Variants in RHBDF1 observed in about 807,000 individuals in gnomAD.
RHBDF1 encodes rhomboid 5 homolog 1.
In RHBDF1, 80 loss-of-function variants were observed where a neutral mutation model predicts 98.6. The ratio of observed to expected loss-of-function variants is 0.81; its 90% confidence interval spans 0.68 to 0.98. The LOEUF is 0.98. Among genes scored for constraint, RHBDF1 ranks in the 50% least tolerant of loss-of-function variants. The pLI is 0.00. For missense variants in RHBDF1, 1,116 were observed against 1,198.3 expected (o/e 0.93, Z 1.01); for synonymous variants, 512 against 486.8 (o/e 1.05, Z -0.68).
chr16:62,613 T>C lies in RHBDF1; in HGVS notation c.878A>G (p.Glu293Gly). 1 of 1,613,914 alleles carries C rather than the reference T, an allele frequency of 6.2e-7. No individual in the cohort carries two copies. The highest frequency in any genetic ancestry group is 8.5e-7 in the Non-Finnish European group (1 of 1,180,038). ...SPSEAALKDWEKAPEQADLTG... is the reference protein window; with the variant it reads ...SPSEAALKDWGKAPEQADLTG... Reference sequence around the variant, plus strand: ...GAGGTCCGCCTGCTCCGGTGCCTTCTCCCAGTCCTTTAGCGCTGCCTCCGA... The same window carrying C: ...GAGGTCCGCCTGCTCCGGTGCCTTCCCCCAGTCCTTTAGCGCTGCCTCCGA... The change falls in exon 7 of 18, where the codon GAG becomes GGG. Residue 293 changes from glutamate to glycine, a missense_variant. By Grantham distance (98) the Glu-to-Gly change is moderately conservative. Transcript: ENST00000262316.
intron 1 of RHBDF1, among the ~76,000 whole-genome samples, chr16:67,130 A>G (rs540822180): frequency 2.6e-4 from 39 of 152,256 alleles, no homozygotes; most frequent in Admixed American, 2.5e-3. Context: ...AGGAGGGGCC[A>G]CCTCTGAGTC....
Position 59,445 on chromosome 16 carries a change from G to A in RHBDF1, c.1867C>T (p.His623Tyr). 1.2e-6 allele frequency: 2 copies of A among 1,613,858 alleles called. No homozygotes were observed. The highest frequency in any genetic ancestry group is 1.7e-6 in the Non-Finnish European group (2 of 1,179,996). ...TGAGAGCAGAGCGTGGCCTCCTCAT[G>A]GAAGTAGCCCCTCATGAAGTCACAG... ...EYCDFMRGYF[H>Y]EEATLCSQVH... The change falls in exon 15 of 18, where the codon CAT (histidine) becomes TAT (tyrosine). Residue 623 changes from histidine to tyrosine, a missense_variant. Transcript: ENST00000262316.
Position 58,969 on chromosome 16 carries a change from C to G in RHBDF1, c.2148+5G>C. On this transcript the variant is annotated splice_donor_5th_base_variant and intron_variant, in intron 17 of 17. Transcript: ENST00000262316. ...GAGGATCCCCACCCTGAGGGCCAGC[C>G]TTACCTCTGCTCGGTATGGCAGGAA... The G allele has an allele frequency of 6.2e-7, 1 of 1,612,984 alleles. No individual in the cohort carries two copies. Among genetic ancestry groups the G allele is most frequent in the Non-Finnish European group, 8.5e-7 (1 of 1,179,912 alleles).
rs1313883386 is a variant in RHBDF1, at chr16:60,234, T to C, written c.1704A>G (p.Glu568=). ...AGCTCACCGGCCACTTGGTGATGTCTTCTGGCCACTCATGAGGGTCTTCGG... is the reference window on the plus strand; with the variant it reads ...AGCTCACCGGCCACTTGGTGATGTCCTCTGGCCACTCATGAGGGTCTTCGG... ...PSSEDPHEWP[E]DITKWPICTK... is the part of the protein sequence containing the mutation. Residue 568 remains glutamate, a synonymous_variant, in exon 13 of 18, where the codon GAA becomes GAG. Transcript: ENST00000262316. 1 of 1,613,980 alleles carries C rather than the reference T, an allele frequency of 6.2e-7. No individual in the cohort carries two copies. Among genetic ancestry groups the C allele is most frequent in the Non-Finnish European group, 8.5e-7 (1 of 1,180,006 alleles).
At chr16:73,318 C>T, upstream of RHBDF1, among the ~76,000 whole-genome samples, 1 of 152,078 alleles carries the variant, frequency 6.6e-6, no homozygotes, top group East Asian at 1.9e-4. Flanking sequence ...CCCCCAGAAG[C>T]CCCGCTCCAC....
chr16:70,726 G>A (rs528940465), intron 1 of RHBDF1, among the ~76,000 whole-genome samples: 1 of 152,298 alleles, frequency 6.6e-6, no homozygotes, highest in South Asian at 2.1e-4. Context: ...CTTGGGCCAG[G>A]TCTGCCCAGG....
In RHBDF1 at chr16:63,757, T is replaced by A; in HGVS notation, c.292A>T (p.Thr98Ser). ...ATGCTCTTGCGCTGCCATTTCTGGG[T>A]GCTGTCACTGTCCTTGCTCACTCCA... is the stretch of plus-strand genomic sequence containing the variant. The part of the protein sequence containing the change: ...WFGVSKDSDS[T>S]QKWQRKSIRH... Residue 98 changes from threonine (T) to serine (S), a missense_variant, in exon 4 of 18, where the codon ACC (threonine) becomes TCC (serine). Coordinates refer to ENST00000262316, the MANE Select transcript of RHBDF1 (RefSeq NM_022450.5). 1 of 1,613,938 alleles carries A rather than the reference T, an allele frequency of 6.2e-7. No homozygotes were observed. Among genetic ancestry groups the A allele is most frequent in the Non-Finnish European group, 8.5e-7 (1 of 1,179,968 alleles).
Position 62,759 on chromosome 16 carries a change from C to T in RHBDF1, c.795+16G>A, listed in dbSNP as rs1366954998. 6.2e-7 allele frequency: 1 copy of T among 1,614,034 alleles called. No individual in the cohort carries two copies. The highest frequency in any genetic ancestry group is 1.7e-5 in the Admixed American group (1 of 60,028). The stretch of plus-strand genomic sequence containing the variant: ...AAGGGAACGTGGGGTGGGGGGACAC[C>T]CCGGGCACTTCTTACCCGGGCAAAG... On this transcript the variant is annotated intron_variant, in intron 6 of 17. Transcript: ENST00000262316.
At chr16:63,262 C>T in intron 4 of RHBDF1, 80 bp from the exon 5 acceptor site, 1 of 1,218,308 alleles carries the variant, frequency 8.2e-7, no homozygotes, top group Non-Finnish European at 1.1e-6. Flanking sequence ...CTTGCAAAGA[C>T]AGCGTGACTG....
intron 11 of RHBDF1, chr16:60,808 G>C: frequency 1.8e-6 from 1 of 565,260 alleles, no homozygotes; most frequent in Non-Finnish European, 3.1e-6. Context: ...ATGATGTGAT[G>C]AAAGTTGGGA....
chr16:68,179 C>T (rs1466747463), intron 1 of RHBDF1, among the ~76,000 whole-genome samples: 1 of 152,206 alleles, frequency 6.6e-6, no homozygotes, highest in African/African-American at 2.4e-5. Context: ...CACAAAAACC[C>T]CCACTGCTAG....
intron 1 of RHBDF1, among the ~76,000 whole-genome samples, chr16:72,112 G>A (rs774699495): frequency 1.4e-4 from 21 of 152,186 alleles, no homozygotes; most frequent in Non-Finnish European, 2.5e-4. Flanking sequence ...GAAGGAAAAT[G>A]CAGCGGGGGG....
chr16:60,299 G>C lies in RHBDF1; in HGVS notation c.1659-20C>G. The C allele has an allele frequency of 2.5e-6, 4 of 1,613,890 alleles. No individual in the cohort carries two copies. The highest frequency in any genetic ancestry group is 3.4e-6 in the Non-Finnish European group (4 of 1,179,952). ...CACACCCTGCATGAGCCAAGTATGT[G>C]GTCAGACCGGCTTCGAGCCCCTAGC... On this transcript the variant is annotated intron_variant, in intron 12 of 17. Transcript: ENST00000262316.
At position 59,344 on chromosome 16, in the gene RHBDF1, G is replaced by A. The variant is rs1473266301; in HGVS notation, c.1899C>T (p.His633=). The A allele has an allele frequency of 6.2e-7, 1 of 1,612,042 alleles. No individual in the cohort carries two copies. Among genetic ancestry groups the A allele is most frequent in the South Asian group, 1.1e-5 (1 of 90,842 alleles). Residue 633 remains histidine (H), a synonymous_variant, in exon 16 of 18, where the codon CAC becomes CAT. Coordinates refer to ENST00000262316, the MANE Select transcript of RHBDF1 (RefSeq NM_022450.5). ...GGAGCCCACACACATCATCCATGCA[G>A]TGCACCTGCGCAGAGCAGCATATCA... ...HEEATLCSQV[H]CMDDVCGLLP...
upstream of RHBDF1, among the ~76,000 whole-genome samples, chr16:73,211 T>C (rs1417392535): frequency 6.6e-6 from 1 of 152,182 alleles, no homozygotes; most frequent in Admixed American, 6.5e-5. Context: ...ACATCTTTCA[T>C]GGGTACATAC....
At chr16:62,935 G>C in intron 5 of RHBDF1, 38 bp from the exon 6 acceptor site, 8 of 1,612,840 alleles carry the variant, frequency 5.0e-6, no homozygotes, top group Non-Finnish European at 5.9e-6. Flanking sequence ...CCGGCTGCTG[G>C]GTCGGCCCCC....
In RHBDF1 at chr16:63,036, C is replaced by A. The variant is rs764071967; in HGVS notation, c.609G>T (p.Pro203=). 6.2e-7 allele frequency: 1 copy of A among 1,612,806 alleles called. No homozygotes were observed. Among genetic ancestry groups the A allele is most frequent in the African/African-American group, 1.3e-5 (1 of 75,050 alleles). The stretch of plus-strand genomic sequence containing the variant: ...CCACCGACTCTCGCTTGCGCCGCCG[C>A]GGGAGCCGGTGGAAACCTGAGCGGG... The part of the protein sequence containing the change: ...SSSRSGFHRL[P]RRRKRESVAK... Residue 203 remains proline, a synonymous_variant, in exon 5 of 18, where the codon CCG becomes CCT. Coordinates refer to ENST00000262316, the MANE Select transcript of RHBDF1 (RefSeq NM_022450.5).
intron 1 of RHBDF1, among the ~76,000 whole-genome samples, chr16:68,958 C>T (rs572317518): frequency 6.6e-6 from 1 of 152,338 alleles, no homozygotes; most frequent in Admixed American, 6.5e-5. Flanking sequence ...CCACCACCTA[C>T]AACCCTAAGC....
At chr16:69,169 G>A (rs1025020619) in intron 1 of RHBDF1, among the ~76,000 whole-genome samples, 19 of 152,174 alleles carry the variant, frequency 1.2e-4, no homozygotes, top group Admixed American at 1.2e-3. Context: ...CCCTCCAAAG[G>A]TGTCGAGTTT....
Sources: allele counts gnomAD v4.1 joint callset (sites outside exome capture counted in the v4.1 genomes callset), GRCh38; gene constraint gnomAD v4.1.1; transcripts MANE v1.5; gene names NCBI Gene and HGNC (gene_info 2026-07-23, HGNC 2026-07-21).